The following ATP13A4 variants were observed in gnomAD, a reference collection of about 807,000 sequenced individuals.
ATP13A4 encodes the protein ATPase 13A4, also known as probable cation-transporting ATPase 13A4.
Under a neutral mutation model 142.5 loss-of-function variants are expected in ATP13A4, and 114 were observed. The observed-to-expected ratio is 0.80, with a 90% CI of 0.69 to 0.93. ATP13A4 has a LOEUF of 0.93. Among genes scored for constraint, ATP13A4 ranks in the 40% least tolerant of loss-of-function variants. ATP13A4 has a pLI of 0.00. For synonymous variants in ATP13A4, 488 were observed against 514.8 expected (o/e 0.95, Z 0.70); for missense variants, 1,392 against 1,454.0 (o/e 0.96, Z 0.69).
At chr3:193,568,324 G>A (rs1577084018) in intron 2 of ATP13A4, among the ~76,000 whole-genome samples, 1 of 152,026 alleles carries the variant, frequency 6.6e-6, no homozygotes, top group Non-Finnish European at 1.5e-5. Context: ...CAGGAAAAAA[G>A]CTGCCACTTT....
chr3:193,418,280 C>G (rs1229877086), intron 25 of ATP13A4, among the ~76,000 whole-genome samples: 3 of 145,882 alleles, frequency 2.1e-5, no homozygotes, highest in Non-Finnish European at 4.5e-5. Flanking sequence ...GATTGCGCCA[C>G]TGCACTCCAG....
At chr3:193,467,000 C>T (rs1718329045) in intron 10 of ATP13A4, among the ~76,000 whole-genome samples, 1 of 151,782 alleles carries the variant, frequency 6.6e-6, no homozygotes, top group Non-Finnish European at 1.5e-5. Context: ...TGACTATAGT[C>T]AATAATAACT....
chr3:193,467,182 C>A (rs1158617825), intron 10 of ATP13A4, 134 bp downstream of exon 10: 7 of 888,378 alleles, frequency 7.9e-6, no homozygotes, highest in African/African-American at 6.8e-5. Flanking sequence ...CTACTATATA[C>A]CCACAAAAAT....
intron 2 of ATP13A4, among the ~76,000 whole-genome samples, chr3:193,573,276 C>CATATATATATACTT (rs1724313506): frequency 1.3e-5 from 1 of 77,844 alleles, no homozygotes; most frequent in African/African-American, 6.4e-5. Context: ...TATATATATA[C>CATATATATATACTT]ATATATATAT....
chr3:193,487,357 G>T (rs1262558905), intron 7 of ATP13A4, among the ~76,000 whole-genome samples: 1 of 152,202 alleles, frequency 6.6e-6, no homozygotes, highest in Non-Finnish European at 1.5e-5. Flanking sequence ...ATGGCTTAAA[G>T]TGTGAAGAAA....
At chr3:193,537,568 T>C (rs1371184162) in intron 1 of ATP13A4, among the ~76,000 whole-genome samples, 9 of 152,166 alleles carry the variant, frequency 5.9e-5, no homozygotes, top group Non-Finnish European at 1.2e-4. Flanking sequence ...AAAAGTGTTA[T>C]CCATAAAAGG....
intron 1 of ATP13A4, among the ~76,000 whole-genome samples, chr3:193,529,319 G>A (rs987523457): frequency 4.0e-5 from 6 of 151,504 alleles, no homozygotes; most frequent in African/African-American, 4.8e-5. Flanking sequence ...AAACTAGATG[G>A]TTAATTAGTG....
Position 193,529,205 on chromosome 3 carries a change from G to C in ATP13A4, c.61-14334C>G, listed in dbSNP as rs144526993. Among the ~76,000 whole-genome samples, 468 of 152,006 alleles carry C rather than the reference G, an allele frequency of 3.1e-3. 1 individual carries two copies. The highest frequency in any genetic ancestry group is 0.011 in the African/African-American group (455 of 41,460). On this transcript the variant is annotated intron_variant, in intron 1 of 29. Coordinates refer to ENST00000342695, the MANE Select transcript of ATP13A4 (RefSeq NM_032279.4). ...GAATCGCTTGAACCCAGGATGCGGA[G>C]GTTGCAGTGAGCTGAGATCGCGCCA...
rs1368263177 is a variant in ATP13A4, at chr3:193,517,618, C to T, written c.61-2747G>A. ...GCCTCAGCCTCCCGAGTAGCTGGGA[C>T]TACAGGCGCCCGCCACCACGCCCGG... On this transcript the variant is annotated intron_variant, in intron 1 of 29. Transcript: ENST00000342695. Among the ~76,000 whole-genome samples the T allele has an allele frequency of 5.3e-5, 8 of 152,244 alleles. No homozygotes were observed. The East Asian group carries it at 1.5e-3, about 29-fold the overall frequency.
chr3:193,521,920 G>A (rs1330304060), intron 1 of ATP13A4, among the ~76,000 whole-genome samples: 6 of 151,686 alleles, frequency 4.0e-5, no homozygotes, highest in Admixed American at 6.6e-5. Flanking sequence ...GCCACAGAGC[G>A]AGACTGCATC....
At chr3:193,410,940 C>A in intron 28 of ATP13A4, 42 bp downstream of exon 28, 1 of 1,250,246 alleles carries the variant, frequency 8.0e-7, no homozygotes, top group Non-Finnish European at 1.2e-6. Flanking sequence ...TAAACTGTTA[C>A]ATAACTGTAA....
intron 1 of ATP13A4, among the ~76,000 whole-genome samples, chr3:193,552,898 G>A (rs1241985664): frequency 1.3e-5 from 2 of 152,192 alleles, no homozygotes; most frequent in African/African-American, 4.8e-5. Context: ...AGAAAATGCT[G>A]TGTATACTAA....
intron 25 of ATP13A4, among the ~76,000 whole-genome samples, chr3:193,432,845 G>A (rs1250457145): frequency 6.6e-6 from 1 of 152,078 alleles, no homozygotes; most frequent in African/African-American, 2.4e-5. Context: ...GCAGAGCAGA[G>A]GATTTTTAGG....
chr3:193,501,963 T>C (rs891024811), intron 3 of ATP13A4, among the ~76,000 whole-genome samples: 2 of 152,026 alleles, frequency 1.3e-5, no homozygotes, highest in African/African-American at 4.8e-5. Flanking sequence ...ACGATACTAT[T>C]AGAGCTAATA....
intron 2 of ATP13A4, among the ~76,000 whole-genome samples, chr3:193,569,212 C>T (rs1724205166): frequency 1.3e-5 from 2 of 152,170 alleles, no homozygotes; most frequent in Non-Finnish European, 2.9e-5. Context: ...GCACTTCTTC[C>T]CAAAAGCCCA....
At chr3:193,576,403 C>T (rs539255585) in intron 2 of ATP13A4, among the ~76,000 whole-genome samples, 2 of 150,088 alleles carry the variant, frequency 1.3e-5, no homozygotes, top group Non-Finnish European at 3.0e-5. Context: ...TCCCGAGTAG[C>T]TGGGACTACA....
At chr3:193,554,929 T>C, upstream of ATP13A4, 1 of 1,602,108 alleles carries the variant, frequency 6.2e-7, no homozygotes, top group South Asian at 1.1e-5. Context: ...TTAAAACTCC[T>C]CCTTGAGCAC....
chr3:193,410,578 G>A (rs1714717974), intron 28 of ATP13A4, among the ~76,000 whole-genome samples: 1 of 151,996 alleles, frequency 6.6e-6, no homozygotes, highest in South Asian at 2.1e-4. Flanking sequence ...AATTAGCTGG[G>A]CATCATGGCA....
At chr3:193,435,569 T>G in intron 24 of ATP13A4, 79 bp downstream of exon 24, 1 of 1,112,620 alleles carries the variant, frequency 9.0e-7, no homozygotes, top group Non-Finnish European at 1.4e-6. Context: ...ACTCTTTCTT[T>G]GAGAGGCATT....
Sources: allele counts gnomAD v4.1 joint callset (sites outside exome capture counted in the v4.1 genomes callset), GRCh38; gene constraint gnomAD v4.1.1; transcripts MANE v1.5; gene names NCBI Gene and HGNC (gene_info 2026-07-23, HGNC 2026-07-21).